Variants in PROC observed in about 807,000 individuals in gnomAD.
PROC encodes the protein vitamin K-dependent protein C.
In PROC, 22 loss-of-function variants were observed where a neutral mutation model predicts 36.3. The ratio of observed to expected loss-of-function variants is 0.61; its 90% CI spans 0.43 to 0.86. PROC has a LOEUF of 0.86. Ranked by LOEUF, PROC falls within the 40% of genes least tolerant of loss-of-function variation. The probability of loss-of-function intolerance (pLI) is 0.00; values close to 1 mark genes in which losing one functional copy is unlikely to be tolerated. For missense variants in PROC, 526 were observed against 629.7 expected, an observed-to-expected ratio of 0.84 and a Z score of 1.76; for synonymous variants, 218 against 244.5, an observed-to-expected ratio of 0.89 and a Z score of 1.01.
Position 127,428,733 on chromosome 2 carries a change from C to T in PROC, c.1173C>T (p.Leu391=), listed in dbSNP as rs1484480565. ...AGAACATGCTGTGTGCGGGCATCCT[C>T]GGGGACCGGCAGGATGCCTGCGAGG... is the stretch of plus-strand genomic sequence containing the variant. ...VSENMLCAGI[L]GDRQDACEGD... Residue 391 remains leucine, a synonymous_variant, in exon 9 of 9, where the codon CTC becomes CTT. Coordinates refer to ENST00000234071, the MANE Select transcript of PROC (RefSeq NM_000312.4). The T allele has an allele frequency of 5.0e-6, 8 of 1,613,594 alleles. No individual in the cohort carries two copies. Among genetic ancestry groups the T allele is most frequent in the Non-Finnish European group, 6.8e-6 (8 of 1,180,020 alleles).
chr2:127,426,190 A>C lies in PROC; in HGVS notation c.641A>C (p.Asp214Ala). The C allele has an allele frequency of 1.2e-5, 19 of 1,614,108 alleles. No homozygotes were observed. The highest frequency in any genetic ancestry group is 1.5e-5 in the Non-Finnish European group (18 of 1,180,028). Reference protein sequence around the residue: ...QEDQVDPRLIDGKMTRRGDSP... With the variant: ...QEDQVDPRLIAGKMTRRGDSP... ...GACCAAGTAGATCCGCGGCTCATTG[A>C]TGGGAAGATGACCAGGCGGGGAGAC... Residue 214 changes from aspartate to alanine, a missense_variant, in exon 7 of 9, where the codon GAT becomes GCT. Coordinates refer to ENST00000234071, the MANE Select transcript of PROC (RefSeq NM_000312.4). The surrounding 1 kb of genome is among the most constrained non-coding windows in gnomAD (Gnocchi z 7.0).
At chr2:127,425,882 G>A (rs1457363861) in intron 6 of PROC, among the ~76,000 whole-genome samples, 1 of 152,216 alleles carries the variant, frequency 6.6e-6, no homozygotes, top group Non-Finnish European at 1.5e-5. Context: ...CCATTCAGTG[G>A]CACTGTTTGT....
intron 1 of PROC, chr2:127,419,694 TG>T (rs1179409479): frequency 1.0e-6 from 1 of 1,003,016 alleles, no homozygotes; most frequent in African/African-American, 1.6e-5. Flanking sequence ...CCCTCTCCAC[TG>T]CATTCTGGAG....
At chr2:127,423,616 C>A in intron 6 of PROC, 2 of 674,576 alleles carry the variant, frequency 3.0e-6, no homozygotes, top group Middle Eastern at 2.9e-4. Flanking sequence ...CCTCCGCTTT[C>A]CCTGCTTCCT....
In PROC at chr2:127,423,196, C is replaced by T. The variant is rs766261628; in HGVS notation, c.400+25C>T. The T allele has an allele frequency of 1.1e-5, 10 of 871,470 alleles. 1 individual carries two copies. The Middle Eastern group carries it at 3.1e-3, about 270-fold the overall frequency. 54.0% of individuals were successfully genotyped at this position (871,470 alleles called of 1,614,324 possible). On this transcript the variant is annotated intron_variant, in intron 5 of 8. Transcript: ENST00000234071. ...GGTGAGGGGGAGAGGTGGATGCTGGCGGGCGGCGGGGCGGGGCTGGGGCCG... is the reference window on the plus strand; with the variant it reads ...GGTGAGGGGGAGAGGTGGATGCTGGTGGGCGGCGGGGCGGGGCTGGGGCCG...
intron 1 of PROC, chr2:127,419,548 C>G (rs1350083941): frequency 6.6e-5 from 23 of 346,928 alleles, no homozygotes; most frequent in Non-Finnish European, 1.2e-4. Flanking sequence ...CATGGCCTGC[C>G]CTGTGAATCC....
rs1275885497 is a variant in PROC at position 127,423,180 on chromosome 2, G to A, written c.400+9G>A. On this transcript the variant is annotated intron_variant, in intron 5 of 8. Transcript: ENST00000234071. ...CCGCTTCTGCCAGCGCGGTGAGGGG[G>A]AGAGGTGGATGCTGGCGGGCGGCGG... The A allele has an allele frequency of 4.5e-6, 7 of 1,565,296 alleles. No homozygotes were observed. In the African/African-American group the frequency reaches 8.2e-5, roughly 18 times the overall value.
At chr2:127,428,170 G>T (rs997689904) in intron 8 of PROC, among the ~76,000 whole-genome samples, 187 bp from the exon 9 acceptor site, 3 of 152,220 alleles carry the variant, frequency 2.0e-5, no homozygotes, top group Admixed American at 1.3e-4. Flanking sequence ...CCGTTGATAG[G>T]GTTCCACGGC....
chr2:127,422,518 A>C (rs970958565), intron 3 of PROC, among the ~76,000 whole-genome samples: 2 of 152,230 alleles, frequency 1.3e-5, no homozygotes, highest in Non-Finnish European at 2.9e-5. Context: ...ACACTGGCTT[A>C]GGGAAAGGCG....
At position 127,418,509 on chromosome 2, in the gene PROC, G is replaced by A. The variant is rs942910455; in HGVS notation, c.-22+17G>A. ...CCCGCCCCTGTGAGTCCCCCTCCAG[G>A]CAGGTCTATGAGGGGTGTGGAGGGA... On this transcript the variant is annotated intron_variant, in intron 1 of 8. Coordinates refer to ENST00000234071, the MANE Select transcript of PROC (RefSeq NM_000312.4). This position sits in a 1 kb window ranked among gnomAD's most constrained non-coding sequence, Gnocchi z 4.8. 7.8e-7 allele frequency: 1 copy of A among 1,289,824 alleles called. No individual in the cohort carries two copies. The highest frequency in any genetic ancestry group is 1.0e-6 in the Non-Finnish European group (1 of 988,838). The allele number at this position is 1,289,824 out of a possible 1,614,324, so 79.9% of individuals were successfully genotyped here. A position where few individuals can be genotyped will look rare whatever the true frequency, so the allele number is the denominator to read the frequency against.
chr2:127,421,330 C>T lies in PROC; in HGVS notation c.118C>T (p.Arg40Cys), dbSNP rs199514227. The T allele has an allele frequency of 1.4e-5, 23 of 1,613,754 alleles. No homozygotes were observed. Among genetic ancestry groups the T allele is most frequent in the East Asian group, 2.2e-5 (1 of 44,890 alleles). The change falls in exon 3 of 9, where the codon CGC (arginine) becomes TGC (cysteine). Residue 40 changes from arginine (R) to cysteine (C), a missense_variant. Transcript: ENST00000234071. ...SERAHQVLRI[R>C]KRANSFLEEL... is the part of the protein sequence containing the mutation. ...GCGTGCCCACCAGGTGCTGCGGATC[C>T]GCAAACGTGCCAACTCCTTCCTGGA... is the stretch of plus-strand genomic sequence containing the variant.
Position 127,423,173 on chromosome 2 carries a change from T to A in PROC, c.400+2T>A. 6.4e-7 allele frequency: 1 copy of A among 1,566,092 alleles called. No individual in the cohort carries two copies. Among genetic ancestry groups the A allele is most frequent in the African/African-American group, 1.4e-5 (1 of 72,262 alleles). On this transcript the variant is annotated splice_donor_variant, in intron 5 of 8. Transcript: ENST00000234071. LOFTEE classifies it high-confidence loss of function. Reference sequence around the variant, plus strand: ...GGGAGGGCCGCTTCTGCCAGCGCGGTGAGGGGGAGAGGTGGATGCTGGCGG... The same window carrying A: ...GGGAGGGCCGCTTCTGCCAGCGCGGAGAGGGGGAGAGGTGGATGCTGGCGG...
chr2:127,423,180 G>C lies in PROC; in HGVS notation c.400+9G>C. On this transcript the variant is annotated intron_variant, in intron 5 of 8. Transcript: ENST00000234071. ...CCGCTTCTGCCAGCGCGGTGAGGGGGAGAGGTGGATGCTGGCGGGCGGCGG... is the reference window on the plus strand; with the variant it reads ...CCGCTTCTGCCAGCGCGGTGAGGGGCAGAGGTGGATGCTGGCGGGCGGCGG... 6.4e-7 allele frequency: 1 copy of C among 1,565,410 alleles called. No individual in the cohort carries two copies. The highest frequency in any genetic ancestry group is 1.2e-5 in the South Asian group (1 of 85,888).
chr2:127,421,502 G>A, intron 3 of PROC, 53 bp downstream of exon 3: 1 of 1,605,080 alleles, frequency 6.2e-7, no homozygotes, highest in Non-Finnish European at 8.5e-7. Flanking sequence ...CTGGTAACCA[G>A]CAGGGGCCTC....
intron 4 of PROC, 21 bp downstream of exon 4, chr2:127,422,962 C>T (rs1388888541): frequency 1.2e-6 from 2 of 1,607,558 alleles, no homozygotes; most frequent in Admixed American, 1.7e-5. Context: ...TCTAGATCCC[C>T]GGCTGGACTA....
rs1450508673 is a variant in PROC, at chr2:127,426,518, A to G, written c.678+291A>G. ...CTGCTCTGCTGGCGGGATTTTAGGC[A>G]GAAGCCCTGCTGATGGGAGAGGGCT... On this transcript the variant is annotated intron_variant, in intron 7 of 8. Coordinates refer to ENST00000234071, the MANE Select transcript of PROC (RefSeq NM_000312.4). This position sits in a 1 kb window ranked among gnomAD's most constrained non-coding sequence, Gnocchi z 7.0. 2.1e-6 allele frequency: 1 copy of G among 469,656 alleles called. No homozygotes were observed. 29.1% of individuals were successfully genotyped at this position (469,656 alleles called of 1,614,324 possible).
In PROC at chr2:127,428,436, C is replaced by G. The variant is rs1688669245; in HGVS notation, c.876C>G (p.Ser292Arg). The G allele has an allele frequency of 4.3e-6, 7 of 1,614,036 alleles. No individual in the cohort carries two copies. In the Admixed American group the frequency reaches 6.7e-5, roughly 15 times the overall value. ...AGGTCTTCGTCCACCCCAACTACAG[C>G]AAGAGCACCACCGACAATGACATCG... ...IKEVFVHPNY[S>R]KSTTDNDIAL... The change falls in exon 9 of 9, where the codon AGC (serine) becomes AGG (arginine). Residue 292 changes from serine (S) to arginine (R), a missense_variant. By Grantham distance (110) the Ser-to-Arg change is moderately radical. Transcript: ENST00000234071.
rs761348643 is a variant in PROC at position 127,428,554 on chromosome 2, C to T, written c.994C>T (p.Gln332Ter). 1 of 1,613,914 alleles carries T rather than the reference C, an allele frequency of 6.2e-7. No homozygotes were observed. Among genetic ancestry groups the T allele is most frequent in the South Asian group, 1.1e-5 (1 of 91,092 alleles). The change falls in exon 9 of 9, where the codon CAG becomes TAG. Residue 332 changes from glutamine to a stop codon, truncating the protein, a stop_gained. Coordinates refer to ENST00000234071, the MANE Select transcript of PROC (RefSeq NM_000312.4). LOFTEE classifies it low-confidence loss of function (END_TRUNC). ...CGGCCTTGCAGAGCGCGAGCTCAAT[C>T]AGGCCGGCCAGGAGACCCTCGTGAC... is the stretch of plus-strand genomic sequence containing the variant. Reference protein sequence around the residue: ...DSGLAERELNQAGQETLVTGW... With the variant: ...DSGLAERELN
intron 1 of PROC, 39 bp from the exon 2 acceptor site, chr2:127,419,883 G>A (rs565186805): frequency 2.3e-5 from 37 of 1,613,406 alleles, no homozygotes; most frequent in East Asian, 2.0e-4. Context: ...GAGCAGCAGC[G>A]GGGGTAGGCA....
Sources: gnomAD v4.1 joint callset for allele counts (sites outside exome capture counted in the v4.1 genomes callset) on GRCh38, gnomAD v4.1.1 for gene constraint, Gnocchi (gnomAD v3.1) non-coding constraint, MANE v1.5 for transcripts, NCBI Gene and HGNC (gene_info 2026-07-23, HGNC 2026-07-21) for gene names.